Variants in AMBRA1 observed in about 807,000 individuals in gnomAD.
AMBRA1 encodes activating molecule in BECN1-regulated autophagy protein 1.
A neutral mutation model predicts 125.4 loss-of-function variants in AMBRA1; 47 were observed. The ratio of observed to expected loss-of-function variants is 0.37; its 90% CI spans 0.30 to 0.48. AMBRA1 has a LOEUF of 0.48. AMBRA1 is among the 20% of genes least tolerant of loss of function. The probability of loss-of-function intolerance (pLI) is 0.99; values close to 1 mark genes in which losing one functional copy is unlikely to be tolerated. For synonymous variants in AMBRA1, 626 were observed against 655.5 expected (o/e 0.95, Z 0.69); for missense variants, 1,331 against 1,693.4 (o/e 0.79, Z 3.76).
intron 1 of AMBRA1, among the ~76,000 whole-genome samples, chr11:46,563,521 C>G (rs1426434900): frequency 6.6e-6 from 1 of 152,064 alleles, no homozygotes; most frequent in African/African-American, 2.4e-5. Context: ...CACACGGCAC[C>G]CTGATGAGAA....
At chr11:46,580,339 C>T (rs759640929) in intron 1 of AMBRA1, among the ~76,000 whole-genome samples, 2 of 152,176 alleles carry the variant, frequency 1.3e-5, no homozygotes, top group Non-Finnish European at 2.9e-5. Flanking sequence ...TATACTAATA[C>T]CATCCAGATT....
rs1016713052 is a variant in AMBRA1 at position 46,440,284 on chromosome 11, G to T, written c.2632+3204C>A. 2.0e-5 allele frequency among the ~76,000 whole-genome samples: 3 copies of T among 152,212 alleles called. No individual in the cohort carries two copies. In the East Asian group the frequency reaches 5.8e-4, roughly 29 times the overall value. On this transcript the variant is annotated intron_variant, in intron 12 of 17. Coordinates refer to ENST00000683756, the MANE Select transcript of AMBRA1 (RefSeq NM_001387011.1). Reference sequence around the variant, plus strand: ...AGCTCTTTATATACTGACATGAAAAGAACACTGAGCTATACTGTAAAGAAA... The same window carrying T: ...AGCTCTTTATATACTGACATGAAAATAACACTGAGCTATACTGTAAAGAAA...
intron 8 of AMBRA1, among the ~76,000 whole-genome samples, chr11:46,511,344 T>A (rs886775480): frequency 3.3e-5 from 5 of 152,204 alleles, no homozygotes; most frequent in African/African-American, 1.2e-4. Flanking sequence ...AAGTCATCAA[T>A]CCTTATGTTC....
In AMBRA1 at chr11:46,548,461, T is replaced by C. The variant is rs2042892972; in HGVS notation, c.-81A>G. The stretch of plus-strand genomic sequence containing the variant: ...CTCCAACACACTGAAGCAGCTAAAA[T>C]GAGGCCATACAGGTCCTTGTAAGTT... On this transcript the variant is annotated 5_prime_UTR_variant, in exon 2 of 18. Coordinates refer to ENST00000683756, the MANE Select transcript of AMBRA1 (RefSeq NM_001387011.1). The C allele has an allele frequency of 2.5e-6, 4 of 1,578,038 alleles. No homozygotes were observed. In the African/African-American group the frequency reaches 4.0e-5, roughly 16 times the overall value.
intron 7 of AMBRA1, among the ~76,000 whole-genome samples, chr11:46,521,903 G>C (rs889043840): frequency 1.3e-5 from 2 of 152,220 alleles, no homozygotes; most frequent in Non-Finnish European, 2.9e-5. Flanking sequence ...CTACAGTGTA[G>C]ATCAGCCTTA....
intron 14 of AMBRA1, among the ~76,000 whole-genome samples, chr11:46,428,008 C>CAAA (rs57618324): frequency 1.4e-4 from 9 of 63,380 alleles, no homozygotes; most frequent in Non-Finnish European, 2.1e-4. Flanking sequence ...GACTCCATGT[C>CAAA]AAAAAAAAAA....
chr11:46,437,581 T>C (rs1947787734), intron 12 of AMBRA1, among the ~76,000 whole-genome samples: 2 of 152,234 alleles, frequency 1.3e-5, no homozygotes, highest in African/African-American at 4.8e-5. Flanking sequence ...CATTTGCTGT[T>C]TGTTGTCTAT....
At chr11:46,423,013 G>A (rs916005998) in intron 14 of AMBRA1, among the ~76,000 whole-genome samples, 1 of 152,204 alleles carries the variant, frequency 6.6e-6, no homozygotes, top group Non-Finnish European at 1.5e-5. Context: ...TCTGGGTAAT[G>A]ATGGGAATTA....
At chr11:46,448,418 A>T (rs964748819) in intron 11 of AMBRA1, among the ~76,000 whole-genome samples, 3 of 152,234 alleles carry the variant, frequency 2.0e-5, no homozygotes, top group Admixed American at 2.0e-4. Context: ...AATGTAAATG[A>T]AAATGAAAAC....
At chr11:46,500,905 A>C (rs1017660336) in intron 9 of AMBRA1, among the ~76,000 whole-genome samples, 45 of 152,192 alleles carry the variant, frequency 3.0e-4, no homozygotes, top group African/African-American at 9.7e-4. Flanking sequence ...ATCTTTTTAG[A>C]TACTTATGTA....
chr11:46,426,094 A>AAC (rs1947120564), intron 14 of AMBRA1, among the ~76,000 whole-genome samples: 1 of 152,082 alleles, frequency 6.6e-6, no homozygotes, highest in African/African-American at 2.4e-5. Flanking sequence ...AAAGAAAGAA[A>AAC]ACATTGTGGA....
rs534637492 is a variant in AMBRA1 at position 46,455,524 on chromosome 11, T to A, written c.2522-11926A>T. The stretch of plus-strand genomic sequence containing the variant: ...GCATAAAATCAGAATAATATTCAAC[T>A]CTACAGGAAAGTAGTAAGGTCTGAT... On this transcript the variant is annotated intron_variant, in intron 11 of 17. Transcript: ENST00000683756. Among the ~76,000 whole-genome samples, 3 of 152,320 alleles carry A rather than the reference T, an allele frequency of 2.0e-5. No homozygotes were observed. In the East Asian group the frequency reaches 5.8e-4, roughly 29 times the overall value.
Position 46,410,268 on chromosome 11 carries a change from A to G in AMBRA1, c.3209+8T>C. 2 of 1,613,316 alleles carry G rather than the reference A, an allele frequency of 1.2e-6. 1 individual carries two copies. Among genetic ancestry groups the G allele is most frequent in the South Asian group, 2.2e-5 (2 of 91,048 alleles). The stretch of plus-strand genomic sequence containing the variant: ...GCCAGCTGCTCCCTGCCTACTTCCC[A>G]AACATACCCAGGCCGCTCGCTGCTC... On this transcript the variant is annotated splice_region_variant and intron_variant, in intron 16 of 17. Coordinates refer to ENST00000683756, the MANE Select transcript of AMBRA1 (RefSeq NM_001387011.1).
chr11:46,423,757 ATTT>A (rs538298573), intron 14 of AMBRA1, among the ~76,000 whole-genome samples: 2 of 98,902 alleles, frequency 2.0e-5, no homozygotes, highest in Non-Finnish European at 4.0e-5. Context: ...CAGTGCACCC[ATTT>A]TTTTTTTTTT....
chr11:46,548,600 ATTT>A (rs1283277029), intron 1 of AMBRA1, 100 bp from the exon 2 acceptor site: 9 of 542,930 alleles, frequency 1.7e-5, no homozygotes, highest in Non-Finnish European at 2.5e-5. Context: ...TACTTTTCCT[ATTT>A]AATGACACTT....
intron 11 of AMBRA1, among the ~76,000 whole-genome samples, chr11:46,489,190 A>G (rs957921417): frequency 6.6e-6 from 1 of 152,068 alleles, no homozygotes; most frequent in Admixed American, 6.6e-5. Flanking sequence ...AACATTAGGT[A>G]TACCTCCTAA....
intron 11 of AMBRA1, among the ~76,000 whole-genome samples, chr11:46,486,776 G>A (rs1162550614): frequency 6.6e-6 from 1 of 151,946 alleles, no homozygotes; most frequent in East Asian, 1.9e-4. Context: ...CATGGTCGTG[G>A]GCACCTATAA....
chr11:46,475,425 T>C (rs1949777073), intron 11 of AMBRA1, among the ~76,000 whole-genome samples: 1 of 152,104 alleles, frequency 6.6e-6, no homozygotes. Context: ...TTTGAGGGGG[T>C]AGACTGGACC....
At chr11:46,449,783 G>A (rs1172552111) in intron 11 of AMBRA1, among the ~76,000 whole-genome samples, 6 of 152,064 alleles carry the variant, frequency 3.9e-5, no homozygotes, top group East Asian at 1.9e-4. Flanking sequence ...AATATAGGCC[G>A]GGCGCAGTGG....
Sources: gnomAD v4.1 joint callset for allele counts (sites outside exome capture counted in the v4.1 genomes callset) on GRCh38, gnomAD v4.1.1 for gene constraint, MANE v1.5 for transcripts, NCBI Gene and HGNC (gene_info 2026-07-23, HGNC 2026-07-21) for gene names.